The following PRPF3 variants were observed in gnomAD, a reference collection of about 807,000 sequenced individuals.
PRPF3 encodes pre-mRNA processing factor 3, also known as U4/U6 small nuclear ribonucleoprotein Prp3.
In PRPF3, 3 loss-of-function variants were observed where a neutral mutation model predicts 89.2. The observed-to-expected ratio is 0.03, with a 90% CI of 0.02 to 0.09. The LOEUF (loss-of-function observed/expected upper bound fraction) is 0.09, where lower values mean the gene tolerates loss of function less well. Ranked by LOEUF, PRPF3 falls within the 10% of genes least tolerant of loss-of-function variation. The pLI is 1.00. For missense variants in PRPF3, 463 were observed against 828.8 expected (o/e 0.56, Z 5.42); for synonymous variants, 270 against 289.1 (o/e 0.93, Z 0.67).
At chr1:150,337,319 G>A (rs1204460948) in intron 7 of PRPF3, among the ~76,000 whole-genome samples, 4 of 151,820 alleles carry the variant, frequency 2.6e-5, no homozygotes, top group Admixed American at 6.6e-5. Flanking sequence ...GATTACAGGC[G>A]TGAGCCACCA....
In PRPF3 at chr1:150,344,556, C is replaced by T; in HGVS notation, c.1640+9C>T. 4 of 1,613,226 alleles carry T rather than the reference C, an allele frequency of 2.5e-6. No homozygotes were observed. Among genetic ancestry groups the T allele is most frequent in the Non-Finnish European group, 3.4e-6 (4 of 1,179,310 alleles). ...CACATATCTGTATATAGGTAGGTGT[C>T]CATACTGGGCCAAACTTCCCCTTAG... On this transcript the variant is annotated intron_variant, in intron 12 of 15. Transcript: ENST00000324862.
In PRPF3 at chr1:150,325,838, A is replaced by C; in HGVS notation, c.233A>C (p.His78Pro). The C allele has an allele frequency of 6.2e-7, 1 of 1,613,814 alleles. No individual in the cohort carries two copies. The highest frequency in any genetic ancestry group is 8.5e-7 in the Non-Finnish European group (1 of 1,179,774). Residue 78 changes from histidine to proline, a missense_variant, in exon 3 of 16, where the codon CAT (histidine) becomes CCT (proline). Physicochemically the swap from His to Pro is moderately conservative, Grantham distance 77. Around this residue, in one of 8 missense-constraint regions of PRPF3, gnomAD observed 21 missense variants for 16.6 expected, o/e 1.26. Transcript: ENST00000324862. ...EAVEEGRSSR[H>P]SKSSSDRSRK... The stretch of plus-strand genomic sequence containing the variant: ...GTGGAGGAAGGCCGAAGCTCTAGGC[A>C]TTCCAAGTCTAGCAGTGACAGGAGC...
chr1:150,352,747 C>G (rs1659073398), intron 15 of PRPF3, 86 bp from the exon 16 acceptor site: 1 of 1,452,780 alleles, frequency 6.9e-7, no homozygotes, highest in African/African-American at 1.4e-5. Flanking sequence ...ACATGTCTCA[C>G]AAATGTTACT....
At chr1:150,335,910 A>G (rs1440440359) in intron 7 of PRPF3, among the ~76,000 whole-genome samples, 1 of 152,062 alleles carries the variant, frequency 6.6e-6, no homozygotes, top group African/African-American at 2.4e-5. Context: ...CTGGGACTGC[A>G]GGCATGCGCC....
intron 9 of PRPF3, among the ~76,000 whole-genome samples, chr1:150,342,339 C>A (rs782126028): frequency 6.6e-6 from 1 of 151,956 alleles, no homozygotes; most frequent in Non-Finnish European, 1.5e-5. Context: ...GAGATTGCGC[C>A]ACTGCACTCC....
chr1:150,342,548 G>A (rs912101372), intron 9 of PRPF3, among the ~76,000 whole-genome samples: 3 of 151,580 alleles, frequency 2.0e-5, no homozygotes, highest in South Asian at 2.1e-4. Context: ...ATGGAGTCTC[G>A]CTGTGTTGCC....
chr1:150,347,930 T>C (rs1158633381), intron 14 of PRPF3, among the ~76,000 whole-genome samples: 1 of 152,152 alleles, frequency 6.6e-6, no homozygotes, highest in Non-Finnish European at 1.5e-5. Context: ...TTGAAGTACA[T>C]TTTCTACTAA....
rs1553866858 is a variant in PRPF3 at position 150,335,019 on chromosome 1, G to A, written c.813G>A (p.Glu271=). The change falls in exon 7 of 16, where the codon GAG becomes GAA. Residue 271 remains glutamate (E), a synonymous_variant. Coordinates refer to ENST00000324862, the MANE Select transcript of PRPF3 (RefSeq NM_004698.4). ...GCACTGTAGATGCAACAGGCAAGGA[G>A]ATTGAGCTGACACACCGCATGCCTA... is the stretch of plus-strand genomic sequence containing the variant. The part of the protein sequence containing the change: ...QGRTVDATGK[E]IELTHRMPTL... 1 of 1,614,148 alleles carries A rather than the reference G, an allele frequency of 6.2e-7. No homozygotes were observed. The highest frequency in any genetic ancestry group is 8.5e-7 in the Non-Finnish European group (1 of 1,180,028).
Position 150,344,542 on chromosome 1 carries a change from A to G in PRPF3, c.1635A>G (p.Val545=), listed in dbSNP as rs782490570. 1.9e-6 allele frequency: 3 copies of G among 1,614,072 alleles called. No homozygotes were observed. Among genetic ancestry groups the G allele is most frequent in the Non-Finnish European group, 2.5e-6 (3 of 1,179,964 alleles). Reference sequence around the variant, plus strand: ...TTTCACAGGGGGTACACATATCTGTATATAGGTAGGTGTCCATACTGGGCC... The same window carrying G: ...TTTCACAGGGGGTACACATATCTGTGTATAGGTAGGTGTCCATACTGGGCC... ...EDISQGVHIS[V]YRVRNLSNPA... is the part of the protein sequence containing the mutation. The change falls in exon 12 of 16, where the codon GTA becomes GTG. Residue 545 remains valine (V), a synonymous_variant. Coordinates refer to ENST00000324862, the MANE Select transcript of PRPF3 (RefSeq NM_004698.4).
At chr1:150,331,284 G>T (rs587691004) in intron 4 of PRPF3, among the ~76,000 whole-genome samples, 5 of 152,230 alleles carry the variant, frequency 3.3e-5, no homozygotes. Context: ...TGATCCACCT[G>T]CCTCAGCCTC....
intron 2 of PRPF3, 89 bp from the exon 3 acceptor site, chr1:150,325,662 A>C (rs1553863535): frequency 2.0e-6 from 3 of 1,527,806 alleles, no homozygotes; most frequent in Non-Finnish European, 2.7e-6. Flanking sequence ...CCTGGGAATA[A>C]AATTCCAGTG....
In PRPF3 at chr1:150,325,889, A is replaced by G; in HGVS notation, c.276+8A>G. 6.2e-7 allele frequency: 1 copy of G among 1,612,174 alleles called. No individual in the cohort carries two copies. Among genetic ancestry groups the G allele is most frequent in the Non-Finnish European group, 8.5e-7 (1 of 1,178,692 alleles). On this transcript the variant is annotated splice_region_variant and intron_variant, in intron 3 of 15. Transcript: ENST00000324862. ...AGAAAACGAGAGCTAAAGGTAGGTTACAATTTACTGTCTAATGAGCTCAGG... is the reference window on the plus strand; with the variant it reads ...AGAAAACGAGAGCTAAAGGTAGGTTGCAATTTACTGTCTAATGAGCTCAGG...
intron 14 of PRPF3, 132 bp downstream of exon 14, chr1:150,346,623 C>T: frequency 2.2e-6 from 2 of 899,902 alleles, no homozygotes; most frequent in Non-Finnish European, 3.6e-6. Flanking sequence ...TTTAGAAAGA[C>T]CCGTTTAGAC....
rs1241463610 is a variant in PRPF3 at position 150,325,685 on chromosome 1, A to G, written c.146-66A>G. The G allele has an allele frequency of 2.6e-6, 4 of 1,560,902 alleles. No homozygotes were observed. The South Asian group carries it at 3.4e-5, about 13-fold the overall frequency. Reference sequence around the variant, plus strand: ...TAAAATTCCAGTGTTGGTACCTGTTATAGGCCTAGTATTAGACTGTGTACT... The same window carrying G: ...TAAAATTCCAGTGTTGGTACCTGTTGTAGGCCTAGTATTAGACTGTGTACT... On this transcript the variant is annotated intron_variant, in intron 2 of 15. Coordinates refer to ENST00000324862, the MANE Select transcript of PRPF3 (RefSeq NM_004698.4).
At chr1:150,340,692 TGA>T (rs1251172003) in intron 9 of PRPF3, among the ~76,000 whole-genome samples, 4 of 152,126 alleles carry the variant, frequency 2.6e-5, no homozygotes, top group African/African-American at 7.2e-5. Flanking sequence ...TAGAATTTCA[TGA>T]GACAGCCAAG....
rs978060336 is a variant in PRPF3 at position 150,352,985 on chromosome 1, C to T, written c.*6C>T. 3 of 1,613,806 alleles carry T rather than the reference C, an allele frequency of 1.9e-6. No individual in the cohort carries two copies. The highest frequency in any genetic ancestry group is 2.5e-6 in the Non-Finnish European group (3 of 1,179,942). On this transcript the variant is annotated 3_prime_UTR_variant, in exon 16 of 16. Coordinates refer to ENST00000324862, the MANE Select transcript of PRPF3 (RefSeq NM_004698.4). The stretch of plus-strand genomic sequence containing the variant: ...TGTTAGAGTCCACTGATTGAGACTA[C>T]TGCAAGCCCTTGCCTCTCCTCCCTT...
intron 3 of PRPF3, among the ~76,000 whole-genome samples, chr1:150,326,341 T>C (rs1398189711): frequency 6.6e-6 from 1 of 152,186 alleles, no homozygotes; most frequent in African/African-American, 2.4e-5. Flanking sequence ...ATAACTATTA[T>C]TTATTATATT....
Position 150,335,207 on chromosome 1 carries a change from A to C in PRPF3, c.1001A>C (p.Lys334Thr), listed in dbSNP as rs1391588288. The C allele has an allele frequency of 6.2e-7, 1 of 1,614,054 alleles. No individual in the cohort carries two copies. The highest frequency in any genetic ancestry group is 8.5e-7 in the Non-Finnish European group (1 of 1,180,030). The change falls in exon 7 of 16, where the codon AAA (lysine) becomes ACA (threonine). Residue 334 changes from lysine to threonine, a missense_variant. Physicochemically the swap from Lys to Thr is moderately conservative, Grantham distance 78 (BLOSUM62 -1). Transcript: ENST00000324862. ...RRTFKFHDKG[K>T]FEKIAQRLRT... ...ACTTTTAAATTCCATGACAAGGGCA[A>C]ATTTGAGAAGATTGCTCAGCGATTA...
In PRPF3 at chr1:150,353,122, GCTCCCCT is replaced by G. The variant is rs886045264; in HGVS notation, c.*145_*151del. ...CACTGGGACAAAGGGAGAATATCTT[GCTCCCCT>G]CCTGAGTCAGCCTGGTGTTGCCCTT... On this transcript the variant is annotated 3_prime_UTR_variant, in exon 16 of 16. Transcript: ENST00000324862. The G allele has an allele frequency of 1.8e-6, 2 of 1,105,406 alleles. No homozygotes were observed. The highest frequency in any genetic ancestry group is 2.8e-6 in the Non-Finnish European group (2 of 725,262). The allele number at this position is 1,105,406 out of a possible 1,614,324, so 68.5% of individuals were successfully genotyped here. A position where few individuals can be genotyped will look rare whatever the true frequency, so the allele number is the denominator to read the frequency against.
Sources: gnomAD v4.1 joint callset for allele counts (sites outside exome capture counted in the v4.1 genomes callset) on GRCh38, gnomAD v4.1.1 for gene constraint, gnomAD v4.1.1 regional missense constraint, MANE v1.5 for transcripts, NCBI Gene and HGNC (gene_info 2026-07-23, HGNC 2026-07-21) for gene names.